CNGB1: variants seen among roughly 807,000 people sequenced by gnomAD.
The protein encoded by CNGB1 is cyclic nucleotide-gated channel beta-1.
In CNGB1, 126 loss-of-function variants were observed where a neutral mutation model predicts 151.7. That is an observed-to-expected ratio of 0.83 (90% CI 0.72 to 0.96). The LOEUF (loss-of-function observed/expected upper bound fraction) is 0.96, where lower values mean the gene tolerates loss of function less well. CNGB1 is among the 40% of genes least tolerant of loss of function. The pLI is 0.00. For missense variants in CNGB1, 1,698 were observed against 1,627.0 expected (o/e 1.04, Z -0.75); for synonymous variants, 623 against 635.1 (o/e 0.98, Z 0.29).
intron 16 of CNGB1, among the ~76,000 whole-genome samples, chr16:57,933,208 G>A (rs532270018): frequency 3.3e-5 from 5 of 152,262 alleles, no homozygotes; most frequent in Admixed American, 6.5e-5. Flanking sequence ...GATTACAGGC[G>A]TGAGCCACTG....
chr16:57,935,861 C>T (rs1185615510), intron 16 of CNGB1, among the ~76,000 whole-genome samples: 1 of 151,790 alleles, frequency 6.6e-6, no homozygotes, highest in Admixed American at 6.6e-5. Flanking sequence ...GGGTGGCACC[C>T]CTTACTGTTG....
chr16:57,925,741 G>T (rs192474086), intron 17 of CNGB1, among the ~76,000 whole-genome samples: 19 of 152,088 alleles, frequency 1.2e-4, no homozygotes, highest in Admixed American at 9.8e-4. Flanking sequence ...TGGCTGGAAT[G>T]CAGTGGCGCA....
chr16:57,926,134 C>T (rs1961181618), intron 17 of CNGB1, among the ~76,000 whole-genome samples: 1 of 152,212 alleles, frequency 6.6e-6, no homozygotes, highest in Non-Finnish European at 1.5e-5. Flanking sequence ...AAACTCCAGC[C>T]AGTCCCCAAA....
At position 57,921,217 on chromosome 16, in the gene CNGB1, CTTTTTTTTTTT is replaced by C. The variant is rs1185678390; in HGVS notation, c.1644-684_1644-674del. ...AAGACGGGCTGGAGAAAATGAGGCTCTTTTTTTTTTTTTTTTTTTTTTGAGATGAAGTTTCA... is the reference window on the plus strand; with the variant it reads ...AAGACGGGCTGGAGAAAATGAGGCTCTTTTTTTTTTTGAGATGAAGTTTCA... On this transcript the variant is annotated intron_variant, in intron 18 of 32. Transcript: ENST00000251102. Among the ~76,000 whole-genome samples, 2 of 90,142 alleles carry C rather than the reference CTTTTTTTTTTT, an allele frequency of 2.2e-5. 1 individual carries two copies. The highest frequency in any genetic ancestry group is 1.0e-4 in the African/African-American group (2 of 19,842). The allele number at this position is 90,142 out of a possible 152,430, so 59.1% of individuals were successfully genotyped here. A position where few individuals can be genotyped will look rare whatever the true frequency, so the allele number is the denominator to read the frequency against.
Position 57,963,027 on chromosome 16 carries a change from C to A in CNGB1, c.328G>T (p.Val110Leu), listed in dbSNP as rs765835118. The A allele has an allele frequency of 6.2e-7, 1 of 1,613,522 alleles. No individual in the cohort carries two copies. Among genetic ancestry groups the A allele is most frequent in the Non-Finnish European group, 8.5e-7 (1 of 1,179,960 alleles). Residue 110 changes from valine to leucine, a missense_variant, in exon 5 of 33, where the codon GTA (valine) becomes TTA (leucine). Coordinates refer to ENST00000251102, the MANE Select transcript of CNGB1 (RefSeq NM_001297.5). ...ACAGGCTGCGGGATCACCTTCTCTACGCCCTTCATGAGCCAGGTCAGTACC... is the reference window on the plus strand; with the variant it reads ...ACAGGCTGCGGGATCACCTTCTCTAAGCCCTTCATGAGCCAGGTCAGTACC... ...RRVLTWLMKG[V>L]EKVIPQPVHS...
At chr16:57,957,244 G>T in intron 12 of CNGB1, 97 bp downstream of exon 12, 1 of 1,199,368 alleles carries the variant, frequency 8.3e-7, no homozygotes, top group Non-Finnish European at 1.2e-6. Context: ...TCCAGGTCTG[G>T]CCAGGGACAG....
chr16:57,936,380 C>T (rs1281552564), intron 16 of CNGB1, among the ~76,000 whole-genome samples: 2 of 152,194 alleles, frequency 1.3e-5, no homozygotes, highest in African/African-American at 2.4e-5. Context: ...CCCAGACTCC[C>T]TGTCCAAGCC....
chr16:57,949,382 C>CTCCTCT lies in CNGB1; in HGVS notation c.1086_1091dup (p.Glu370_Glu371dup). 1 of 1,613,082 alleles carries CTCCTCT rather than the reference C, an allele frequency of 6.2e-7. No individual in the cohort carries two copies. Among genetic ancestry groups the CTCCTCT allele is most frequent in the Non-Finnish European group, 8.5e-7 (1 of 1,179,982 alleles). On this transcript the variant is annotated inframe_insertion, in exon 14 of 33. Transcript: ENST00000251102. The stretch of plus-strand genomic sequence containing the variant: ...TCACCTCCTCCTCTTCCTCCTCCTC[C>CTCCTCT]TCCTCTTCCTCTTCCTCCTCCTCAT...
chr16:57,921,474 G>A lies in CNGB1; in HGVS notation c.1644-930C>T, dbSNP rs183841303. 1.4e-4 allele frequency among the ~76,000 whole-genome samples: 21 copies of A among 152,178 alleles called. No homozygotes were observed. The East Asian group carries it at 4.1e-3, about 29-fold the overall frequency. On this transcript the variant is annotated intron_variant, in intron 18 of 32. Transcript: ENST00000251102. ...CAACCTCAGGTGATCCACCTGCTTC[G>A]GCCTCTGAAAGTGCTGGGATTGCAG... is the stretch of plus-strand genomic sequence containing the variant.
intron 14 of CNGB1, among the ~76,000 whole-genome samples, chr16:57,946,972 T>A (rs1482452380): frequency 6.6e-6 from 1 of 152,254 alleles, no homozygotes; most frequent in Non-Finnish European, 1.5e-5. Context: ...CGTGGATGTG[T>A]GCAAGTATGT....
chr16:57,951,906 A>G (rs1348031337), intron 12 of CNGB1, among the ~76,000 whole-genome samples: 1 of 152,194 alleles, frequency 6.6e-6, no homozygotes, highest in Non-Finnish European at 1.5e-5. Flanking sequence ...CCTCTAGGGA[A>G]GCCCCAAGAG....
At chr16:57,940,758 C>T (rs1961647816) in intron 14 of CNGB1, among the ~76,000 whole-genome samples, 1 of 152,086 alleles carries the variant, frequency 6.6e-6, no homozygotes, top group South Asian at 2.1e-4. Flanking sequence ...AAAAGTGAGG[C>T]CCAGAGAGGT....
intron 16 of CNGB1, 70 bp downstream of exon 16, chr16:57,939,360 A>C: frequency 5.6e-6 from 9 of 1,603,544 alleles, no homozygotes; most frequent in Non-Finnish European, 6.8e-6. Context: ...CCCCTGCACG[A>C]AGGCTGCCTC....
At position 57,897,249 on chromosome 16, in the gene CNGB1, T is replaced by A. The variant is rs1400465198; in HGVS notation, c.3242+148A>T. 5 of 816,482 alleles carry A rather than the reference T, an allele frequency of 6.1e-6. No homozygotes were observed. The African/African-American group carries it at 9.1e-5, about 15-fold the overall frequency. The allele number at this position is 816,482 out of a possible 1,614,324, so 50.6% of individuals were successfully genotyped here. ...CCTAGGAGGTTGAGACTGTAGTGAG[T>A]CATGATCACTCCACTGCACTCCAGA... On this transcript the variant is annotated intron_variant, in intron 31 of 32. Coordinates refer to ENST00000251102, the MANE Select transcript of CNGB1 (RefSeq NM_001297.5).
At chr16:57,904,656 G>A in intron 26 of CNGB1, 78 bp downstream of exon 26, 1 of 1,597,358 alleles carries the variant, frequency 6.3e-7, no homozygotes, top group Admixed American at 1.7e-5. Context: ...AACGGGCACA[G>A]AGGGTGACAT....
rs555018427 is a variant in CNGB1 at position 57,957,550 on chromosome 16, G to C, written c.838-173C>G. On this transcript the variant is annotated intron_variant, in intron 11 of 32. Coordinates refer to ENST00000251102, the MANE Select transcript of CNGB1 (RefSeq NM_001297.5). ...CCAGGGCCAATGAAGGATTTGAGGT[G>C]GGGGGAGGGGGCTTTGAGAGCTCGA... Among the ~76,000 whole-genome samples, 563 of 152,324 alleles carry C rather than the reference G, an allele frequency of 3.7e-3. 4 individuals carry two copies. The highest frequency in any genetic ancestry group is 0.013 in the African/African-American group (548 of 41,572).
At chr16:57,888,473 C>G (rs1233766405) in intron 31 of CNGB1, among the ~76,000 whole-genome samples, 4 of 151,972 alleles carry the variant, frequency 2.6e-5, no homozygotes, top group Non-Finnish European at 4.4e-5. Flanking sequence ...CTCTGTCTCT[C>G]TCTCTCTCTC....
At chr16:57,922,264 G>A (rs896003412) in intron 18 of CNGB1, among the ~76,000 whole-genome samples, 3 of 152,084 alleles carry the variant, frequency 2.0e-5, no homozygotes, top group Non-Finnish European at 4.4e-5. Context: ...ACTGTGATTG[G>A]GGATTCCAGG....
chr16:57,899,487 A>C (rs1485935663), intron 29 of CNGB1, among the ~76,000 whole-genome samples: 1 of 152,208 alleles, frequency 6.6e-6, no homozygotes. Flanking sequence ...TAAAAATAAA[A>C]AAATGAGCCG....
Sources: allele counts gnomAD v4.1 joint callset (sites outside exome capture counted in the v4.1 genomes callset), GRCh38; gene constraint gnomAD v4.1.1; transcripts MANE v1.5; gene names NCBI Gene and HGNC (gene_info 2026-07-23, HGNC 2026-07-21).